WDR72: variants seen among roughly 807,000 people sequenced by gnomAD.
WDR72 encodes WD repeat domain 72.
Under a neutral mutation model 124.2 loss-of-function variants are expected in WDR72, and 120 were observed. The observed-to-expected ratio is 0.97, with a 90% CI of 0.83 to 1.12. The LOEUF (loss-of-function observed/expected upper bound fraction) is 1.12, where lower values mean the gene tolerates loss of function less well. Among genes scored for constraint, WDR72 ranks in the 50% most tolerant of loss-of-function variants. WDR72 has a pLI of 0.00. For synonymous variants in WDR72, 452 were observed against 441.7 expected (o/e 1.02, Z -0.29); for missense variants, 1,387 against 1,278.8 (o/e 1.08, Z -1.29).
chr15:53,650,893 GTT>G lies in WDR72; in HGVS notation c.1962+14677_1962+14678del, dbSNP rs71297666. On this transcript the variant is annotated intron_variant, in intron 14 of 19. Coordinates refer to ENST00000360509, the MANE Select transcript of WDR72 (RefSeq NM_182758.4). Reference sequence around the variant, plus strand: ...CAGACACACTCTCTCCTCTAATTCAGTTTTTTTTTTTTTTTTTTTTTTTACAT... The same window carrying G: ...CAGACACACTCTCTCCTCTAATTCAGTTTTTTTTTTTTTTTTTTTTTACAT... Among the ~76,000 whole-genome samples, 424 of 106,758 alleles carry G rather than the reference GTT, an allele frequency of 4.0e-3. 2 individuals are homozygous for G. Among genetic ancestry groups the G allele is most frequent in the African/African-American group, 0.013 (353 of 26,482 alleles). The allele number at this position is 106,758 out of a possible 152,430, so 70.0% of individuals were successfully genotyped here.
intron 14 of WDR72, among the ~76,000 whole-genome samples, chr15:53,652,452 T>A (rs2140429489): frequency 6.6e-6 from 1 of 152,284 alleles, no homozygotes; most frequent in Middle Eastern, 3.4e-3. Flanking sequence ...GGAAGCAATG[T>A]TTGCTACTTG....
chr15:53,632,648 G>A (rs2014474997), intron 14 of WDR72, among the ~76,000 whole-genome samples: 1 of 152,224 alleles, frequency 6.6e-6, no homozygotes, highest in African/African-American at 2.4e-5. Flanking sequence ...GAGCAGCTGT[G>A]GGGGCTGAAC....
chr15:53,609,028 C>T (rs2013415195), intron 17 of WDR72, among the ~76,000 whole-genome samples: 1 of 151,892 alleles, frequency 6.6e-6, no homozygotes, highest in African/African-American at 2.4e-5. Context: ...ACACAAAGGA[C>T]AAATGCTTGA....
chr15:53,681,725 A>G (rs1196769410), intron 13 of WDR72, among the ~76,000 whole-genome samples: 6 of 152,228 alleles, frequency 3.9e-5, no homozygotes, highest in Non-Finnish European at 8.8e-5. Flanking sequence ...GTTTCTGAGC[A>G]TACAAAATGT....
At chr15:53,755,969 A>C (rs987151488) in intron 1 of WDR72, among the ~76,000 whole-genome samples, 1 of 152,238 alleles carries the variant, frequency 6.6e-6, no homozygotes, top group Non-Finnish European at 1.5e-5. Context: ...TAACATAAGA[A>C]AGTGGTAACA....
chr15:53,688,403 T>C (rs1217863050), intron 13 of WDR72, among the ~76,000 whole-genome samples: 3 of 148,856 alleles, frequency 2.0e-5, no homozygotes, highest in Non-Finnish European at 4.5e-5. Context: ...ATCACAAGCA[T>C]TCTTATACAC....
At position 53,642,689 on chromosome 15, in the gene WDR72, C is replaced by G. The variant is rs965647419; in HGVS notation, c.1962+22883G>C. ...GGAAAGTCTTAAATTACAACATAAA[C>G]CATACCTGAAAACTCAAGTTACTCT... On this transcript the variant is annotated intron_variant, in intron 14 of 19. Coordinates refer to ENST00000360509, the MANE Select transcript of WDR72 (RefSeq NM_182758.4). 3.3e-5 allele frequency among the ~76,000 whole-genome samples: 5 copies of G among 151,990 alleles called. 1 individual carries two copies. Among genetic ancestry groups the G allele is most frequent in the Admixed American group, 2.0e-4 (3 of 15,238 alleles).
intron 18 of WDR72, among the ~76,000 whole-genome samples, chr15:53,588,607 T>C (rs16966245): frequency 0.36 from 55,025 of 151,770 alleles, 10,186 homozygotes; most frequent in Middle Eastern, 0.56. Flanking sequence ...CCAAGGGCAC[T>C]GGGACAAATG....
chr15:53,666,509 A>G (rs1206867270), intron 13 of WDR72, among the ~76,000 whole-genome samples: 1 of 152,220 alleles, frequency 6.6e-6, no homozygotes, highest in African/African-American at 2.4e-5. Flanking sequence ...TCAGTGAAAT[A>G]TCAATAAATA....
At chr15:53,704,215 G>A (rs543577893) in intron 11 of WDR72, among the ~76,000 whole-genome samples, 1 of 152,160 alleles carries the variant, frequency 6.6e-6, no homozygotes, top group African/African-American at 2.4e-5. Flanking sequence ...CAATTAATAG[G>A]CAATTAAAGT....
chr15:53,717,884 T>C (rs549113663), intron 3 of WDR72, among the ~76,000 whole-genome samples: 2 of 152,220 alleles, frequency 1.3e-5, no homozygotes, highest in South Asian at 4.1e-4. Flanking sequence ...CATATAATTC[T>C]ATAAAATAGG....
In WDR72 at chr15:53,702,255, A is replaced by G; in HGVS notation, c.1448T>C (p.Leu483Ser). The G allele has an allele frequency of 1.9e-6, 3 of 1,614,180 alleles. No individual in the cohort carries two copies. The highest frequency in any genetic ancestry group is 3.3e-4 in the Middle Eastern group (2 of 6,062). ...LSSKLDQSWM[L>S]SGDLDSCVIL... ...CACACATGAGTCCAGGTCCCCAGAC[A>G]ACATCCAACTTTGGTCTAATTTCGA... The change falls in exon 12 of 20, where the codon TTG (leucine) becomes TCG (serine). Residue 483 changes from leucine (L) to serine (S), a missense_variant. Physicochemically the swap from Leu to Ser is moderately radical, Grantham distance 145. Coordinates refer to ENST00000360509, the MANE Select transcript of WDR72 (RefSeq NM_182758.4).
At chr15:53,640,775 A>C (rs1215026913) in intron 14 of WDR72, among the ~76,000 whole-genome samples, 3 of 152,070 alleles carry the variant, frequency 2.0e-5, no homozygotes, top group Non-Finnish European at 4.4e-5. Context: ...TTAGTGAGAA[A>C]AGCTTAAAGA....
chr15:53,749,765 G>T (rs940783175), intron 1 of WDR72, among the ~76,000 whole-genome samples: 1 of 152,128 alleles, frequency 6.6e-6, no homozygotes, highest in African/African-American at 2.4e-5. Context: ...AATGATCAGA[G>T]ACCGAAACAA....
At chr15:53,666,545 T>C (rs1055221022) in intron 13 of WDR72, among the ~76,000 whole-genome samples, 1 of 152,236 alleles carries the variant, frequency 6.6e-6, no homozygotes, top group African/African-American at 2.4e-5. Flanking sequence ...CTGTCTCTTA[T>C]GAGTTCATTT....
chr15:53,682,847 T>C (rs1168832181), intron 13 of WDR72, among the ~76,000 whole-genome samples: 1 of 152,212 alleles, frequency 6.6e-6, no homozygotes, highest in Non-Finnish European at 1.5e-5. Context: ...ACTCTACTTA[T>C]ACCAGTTCTC....
chr15:53,686,877 C>T (rs1427479405), intron 13 of WDR72, among the ~76,000 whole-genome samples: 1 of 151,798 alleles, frequency 6.6e-6, no homozygotes, highest in African/African-American at 2.4e-5. Context: ...GACCACAGTG[C>T]AATCAAACTA....
At chr15:53,576,523 G>C (rs936244420) in intron 18 of WDR72, among the ~76,000 whole-genome samples, 14 of 152,046 alleles carry the variant, frequency 9.2e-5, no homozygotes, top group Non-Finnish European at 1.9e-4. Flanking sequence ...TTGTATGCAT[G>C]GTAACTTGTA....
intron 4 of WDR72, among the ~76,000 whole-genome samples, chr15:53,716,392 G>C (rs986383780): frequency 2.0e-5 from 3 of 152,190 alleles, no homozygotes; most frequent in Non-Finnish European, 2.9e-5. Context: ...ATACAAAAAT[G>C]AAAGAATCAG....
Sources: allele counts gnomAD v4.1 joint callset (sites outside exome capture counted in the v4.1 genomes callset), GRCh38; gene constraint gnomAD v4.1.1; transcripts MANE v1.5; gene names NCBI Gene and HGNC (gene_info 2026-07-23, HGNC 2026-07-21).